The following SLC22A23 variants were observed in gnomAD, a reference collection of about 807,000 sequenced individuals.
SLC22A23 encodes solute carrier family 22 member 23.
SLC22A23 carries 26 observed loss-of-function variants against 61.0 expected under a neutral mutation model. The observed-to-expected ratio is 0.43, with a 90% confidence interval of 0.31 to 0.59. The LOEUF (loss-of-function observed/expected upper bound fraction) is 0.59, where lower values mean the gene tolerates loss of function less well. Among genes scored for constraint, SLC22A23 ranks in the 20% least tolerant of loss-of-function variants. The pLI is 0.11. For synonymous variants in SLC22A23, 430 were observed against 413.9 expected, an observed-to-expected ratio of 1.04 and a Z score of -0.47; for missense variants, 796 against 934.7, an observed-to-expected ratio of 0.85 and a Z score of 1.94.
rs1762988654 is a variant in SLC22A23, at chr6:3,322,118, C to A, written c.1082+1716G>T. On this transcript the variant is annotated intron_variant, in intron 4 of 9. Transcript: ENST00000406686. This position sits in a 1 kb window ranked among gnomAD's most constrained non-coding sequence, Gnocchi z 4.1. ...AGGAGCCAGGTGTGGCAAGAGTTGG[C>A]CGCTTCAGGTCCAGGCTCTGACGTG... Among the ~76,000 whole-genome samples, 1 of 152,096 alleles carries A rather than the reference C, an allele frequency of 6.6e-6. No homozygotes were observed. Among genetic ancestry groups the A allele is most frequent in the Admixed American group, 6.5e-5 (1 of 15,270 alleles).
intron 1 of SLC22A23, among the ~76,000 whole-genome samples, chr6:3,423,097 T>A (rs1179081322): frequency 6.6e-6 from 1 of 152,178 alleles, no homozygotes; most frequent in Non-Finnish European, 1.5e-5. Flanking sequence ...TTCTGCGCAG[T>A]GCAGCCTTCC....
rs781637471 is a variant in SLC22A23 at position 3,455,892 on chromosome 6, G to A, written c.654+14C>T. ...GGGAGAGGGTTGGAGGGACTGGGCG[G>A]CTGCGGCCCTTACCTTGCTGACCAC... is the stretch of plus-strand genomic sequence containing the variant. On this transcript the variant is annotated intron_variant, in intron 1 of 9. Coordinates refer to ENST00000406686, the MANE Select transcript of SLC22A23 (RefSeq NM_015482.2). 6.1e-6 allele frequency: 9 copies of A among 1,483,084 alleles called. No homozygotes were observed. The South Asian group carries it at 9.5e-5, about 16-fold the overall frequency. 91.9% of individuals were successfully genotyped at this position (1,483,084 alleles called of 1,614,324 possible).
chr6:3,364,255 C>A (rs1429695463), intron 3 of SLC22A23, among the ~76,000 whole-genome samples: 1 of 152,172 alleles, frequency 6.6e-6, no homozygotes, highest in Non-Finnish European at 1.5e-5. Context: ...CCTCTCCATG[C>A]AGGTGAGTGC....
chr6:3,434,344 G>T (rs989154205), intron 1 of SLC22A23, among the ~76,000 whole-genome samples: 6 of 150,768 alleles, frequency 4.0e-5, no homozygotes, highest in Non-Finnish European at 8.8e-5. Context: ...AGCTGGGTGC[G>T]GTGGCTTATG....
chr6:3,413,973 T>G (rs1769470445), intron 2 of SLC22A23, among the ~76,000 whole-genome samples: 1 of 152,228 alleles, frequency 6.6e-6, no homozygotes, highest in Admixed American at 6.5e-5. Context: ...GAGAAATGGT[T>G]TGCGATGTCA....
chr6:3,274,704 C>T (rs568176681), intron 9 of SLC22A23, among the ~76,000 whole-genome samples: 2 of 152,168 alleles, frequency 1.3e-5, no homozygotes, highest in Admixed American at 6.5e-5. Context: ...TATATGTCTA[C>T]GTGCTAGCAA....
rs1373453866 is a variant in SLC22A23 at position 3,324,736 on chromosome 6, C to T, written c.914-734G>A. 2.6e-5 allele frequency among the ~76,000 whole-genome samples: 4 copies of T among 152,238 alleles called. No homozygotes were observed. The highest frequency in any genetic ancestry group is 7.2e-5 in the African/African-American group (3 of 41,460). On this transcript the variant is annotated intron_variant, in intron 3 of 9. Transcript: ENST00000406686. The surrounding 1 kb of genome is among the most constrained non-coding windows in gnomAD (Gnocchi z 4.3). ...GCATCCTTTCTCTGTCTCTATTGGACACCACCCCCGGGCAAGGCCCATGTC... is the reference window on the plus strand; with the variant it reads ...GCATCCTTTCTCTGTCTCTATTGGATACCACCCCCGGGCAAGGCCCATGTC...
intron 4 of SLC22A23, among the ~76,000 whole-genome samples, chr6:3,306,697 G>C (rs1761996338): frequency 6.6e-6 from 1 of 152,192 alleles, no homozygotes; most frequent in Non-Finnish European, 1.5e-5. Context: ...GGAAGGACGT[G>C]GGCAGAACTA....
chr6:3,398,153 A>T (rs1220782439), intron 3 of SLC22A23, among the ~76,000 whole-genome samples: 1 of 152,236 alleles, frequency 6.6e-6, no homozygotes, highest in East Asian at 1.9e-4. Flanking sequence ...ACTGATGCCA[A>T]GGAAGAAATA....
At chr6:3,351,528 C>G (rs1165653909) in intron 3 of SLC22A23, among the ~76,000 whole-genome samples, 12 of 152,186 alleles carry the variant, frequency 7.9e-5, no homozygotes, top group Non-Finnish European at 1.6e-4. Flanking sequence ...CCCACAAGTA[C>G]TGGACGGTCA....
At position 3,271,660 on chromosome 6, in the gene SLC22A23, G is replaced by A. The variant is rs1012858041; in HGVS notation, c.*1395C>T. Reference sequence around the variant, plus strand: ...GAAGCCAGGCTGTCCAGAAAAGCTGGTGCCCAAGTTGCTACAAAGTGGTGC... The same window carrying A: ...GAAGCCAGGCTGTCCAGAAAAGCTGATGCCCAAGTTGCTACAAAGTGGTGC... On this transcript the variant is annotated 3_prime_UTR_variant, in exon 10 of 10. Coordinates refer to ENST00000406686, the MANE Select transcript of SLC22A23 (RefSeq NM_015482.2). 1 of 152,378 alleles carries A rather than the reference G, an allele frequency of 6.6e-6. No individual in the cohort carries two copies. The allele number at this position is 152,378 out of a possible 1,614,324, so 9.4% of individuals were successfully genotyped here.
chr6:3,413,686 T>C (rs1384041060), intron 2 of SLC22A23, among the ~76,000 whole-genome samples: 1 of 152,230 alleles, frequency 6.6e-6, no homozygotes, highest in East Asian at 1.9e-4. Flanking sequence ...TTAGGAAGCA[T>C]ATTGTATGAC....
chr6:3,442,482 C>T (rs577512812), intron 1 of SLC22A23, among the ~76,000 whole-genome samples: 18 of 152,294 alleles, frequency 1.2e-4, no homozygotes, highest in African/African-American at 2.9e-4. Context: ...AAAGACTATC[C>T]GCTTACTGCA....
At chr6:3,320,820 G>A (rs1173441583) in intron 4 of SLC22A23, among the ~76,000 whole-genome samples, 4 of 152,122 alleles carry the variant, frequency 2.6e-5, no homozygotes, top group African/African-American at 9.7e-5. Flanking sequence ...TTAAGAGGAT[G>A]CAATAATAAC....
At chr6:3,418,179 G>A (rs1025623396) in intron 1 of SLC22A23, among the ~76,000 whole-genome samples, 2 of 152,190 alleles carry the variant, frequency 1.3e-5, no homozygotes, top group Non-Finnish European at 2.9e-5. Flanking sequence ...ATCTTGGCAG[G>A]AGAGGAACAC....
At chr6:3,438,769 A>G (rs988477873) in intron 1 of SLC22A23, among the ~76,000 whole-genome samples, 5 of 152,200 alleles carry the variant, frequency 3.3e-5, no homozygotes, top group Non-Finnish European at 7.3e-5. Context: ...CCTTTTCCCA[A>G]ACATGCTTTC....
Position 3,387,931 on chromosome 6 carries a change from G to A in SLC22A23, c.913+22257C>T, listed in dbSNP as rs892555279. On this transcript the variant is annotated intron_variant, in intron 3 of 9. Coordinates refer to ENST00000406686, the MANE Select transcript of SLC22A23 (RefSeq NM_015482.2). The surrounding 1 kb of genome is among the most constrained non-coding windows in gnomAD (Gnocchi z 5.0). ...TGTGCCACGGCATCTCCTTTCGGTG[G>A]AATTCGTGCTGTTCCTGCTGCCTGA... 6.6e-6 allele frequency among the ~76,000 whole-genome samples: 1 copy of A among 152,210 alleles called. No individual in the cohort carries two copies. Among genetic ancestry groups the A allele is most frequent in the Non-Finnish European group, 1.5e-5 (1 of 68,040 alleles).
chr6:3,336,100 A>G lies in SLC22A23; in HGVS notation c.914-12098T>C, dbSNP rs1050117859. 9.2e-5 allele frequency among the ~76,000 whole-genome samples: 14 copies of G among 151,996 alleles called. No homozygotes were observed. The East Asian group carries it at 2.3e-3, about 25-fold the overall frequency. Reference sequence around the variant, plus strand: ...CGAGACTCCATCTCAAAAAAAAAAAAAGAGAGAAATCTGGACTCTTCTCCT... The same window carrying G: ...CGAGACTCCATCTCAAAAAAAAAAAGAGAGAGAAATCTGGACTCTTCTCCT... On this transcript the variant is annotated intron_variant, in intron 3 of 9. Coordinates refer to ENST00000406686, the MANE Select transcript of SLC22A23 (RefSeq NM_015482.2).
chr6:3,387,770 AGTATAT>A lies in SLC22A23; in HGVS notation c.913+22412_913+22417del, dbSNP rs1767402647. ...GTTTTTAAAATATGGTGAACAAGTA[AGTATAT>A]GTATATTTCATTCAAAGAGTTAACG... On this transcript the variant is annotated intron_variant, in intron 3 of 9. Coordinates refer to ENST00000406686, the MANE Select transcript of SLC22A23 (RefSeq NM_015482.2). The surrounding 1 kb of genome is among the most constrained non-coding windows in gnomAD (Gnocchi z 5.0). Among the ~76,000 whole-genome samples the A allele has an allele frequency of 6.6e-6, 1 of 152,196 alleles. No individual in the cohort carries two copies. The highest frequency in any genetic ancestry group is 2.1e-4 in the South Asian group (1 of 4,828).
Sources: gnomAD v4.1 joint callset for allele counts (sites outside exome capture counted in the v4.1 genomes callset) on GRCh38, gnomAD v4.1.1 for gene constraint, Gnocchi (gnomAD v3.1) non-coding constraint, MANE v1.5 for transcripts, NCBI Gene and HGNC (gene_info 2026-07-23, HGNC 2026-07-21) for gene names.